Variants in CHCHD3 observed in about 807,000 individuals in gnomAD.
CHCHD3 encodes coiled-coil-helix-coiled-coil-helix domain containing 3.
CHCHD3 carries 20 observed loss-of-function variants against 38.2 expected under a neutral mutation model. The observed-to-expected ratio is 0.52, with a 90% confidence interval of 0.37 to 0.76. CHCHD3 has a LOEUF of 0.76. CHCHD3 is among the 30% of genes least tolerant of loss of function. The probability of loss-of-function intolerance (pLI) is 0.00; values close to 1 mark genes in which losing one functional copy is unlikely to be tolerated. For missense variants in CHCHD3, 245 were observed against 279.2 expected, an observed-to-expected ratio of 0.88 and a Z score of 0.87; for synonymous variants, 82 against 100.0, an observed-to-expected ratio of 0.82 and a Z score of 1.07.
chr7:132,869,287 C>A (rs1429877145), intron 5 of CHCHD3, among the ~76,000 whole-genome samples: 1 of 152,168 alleles, frequency 6.6e-6, no homozygotes, highest in Admixed American at 6.5e-5. Flanking sequence ...TGTGTACCTA[C>A]TTCCTTGGTC....
rs866298708 is a variant in CHCHD3, at chr7:132,857,729, G to A, written c.454-19260C>T. Among the ~76,000 whole-genome samples the A allele has an allele frequency of 6.6e-5, 10 of 152,200 alleles. No individual in the cohort carries two copies. In the Middle Eastern group the frequency reaches 0.014, roughly 207 times the overall value. On this transcript the variant is annotated intron_variant, in intron 5 of 7. Transcript: ENST00000262570. ...GGCCTAGGCAGCCTATTTTAGAGCT[G>A]AACATCTCTGGATGGGAGGGGGCAC...
chr7:132,974,172 C>A (rs1195782515), intron 4 of CHCHD3: 4 of 456,886 alleles, frequency 8.8e-6, no homozygotes, highest in Non-Finnish European at 1.4e-5. Flanking sequence ...ATAGCATTAT[C>A]TAAATGTTTC....
chr7:132,817,948 G>A (rs1338933179), intron 6 of CHCHD3, among the ~76,000 whole-genome samples: 1 of 152,000 alleles, frequency 6.6e-6, no homozygotes, highest in Non-Finnish European at 1.5e-5. Flanking sequence ...GGAAAGCTTT[G>A]GAGAAATATG....
At chr7:133,020,029 G>A (rs1813136150) in intron 3 of CHCHD3, among the ~76,000 whole-genome samples, 1 of 151,926 alleles carries the variant, frequency 6.6e-6, no homozygotes, top group Non-Finnish European at 1.5e-5. Context: ...TGGATTCTCG[G>A]TACGCTGAGC....
At chr7:132,939,526 G>A (rs1810712034) in intron 4 of CHCHD3, among the ~76,000 whole-genome samples, 1 of 152,168 alleles carries the variant, frequency 6.6e-6, no homozygotes, top group Non-Finnish European at 1.5e-5. Flanking sequence ...TTTAGCCTAG[G>A]TGTGTAGTAG....
intron 4 of CHCHD3, among the ~76,000 whole-genome samples, chr7:132,908,051 C>T (rs758011182): frequency 2.0e-5 from 3 of 151,602 alleles, no homozygotes; most frequent in Admixed American, 6.6e-5. Flanking sequence ...AGATAGGCCA[C>T]GGATATATTT....
At chr7:132,968,869 G>C (rs1027462862) in intron 4 of CHCHD3, among the ~76,000 whole-genome samples, 1 of 152,186 alleles carries the variant, frequency 6.6e-6, no homozygotes, top group Non-Finnish European at 1.5e-5. Context: ...GACAGCAGTA[G>C]TGTTCTTATC....
chr7:132,897,176 C>A (rs1484060927), intron 4 of CHCHD3, among the ~76,000 whole-genome samples: 1 of 152,178 alleles, frequency 6.6e-6, no homozygotes, highest in African/African-American at 2.4e-5. Flanking sequence ...CATTTCCAGG[C>A]ACTTACATAT....
chr7:132,885,761 A>C lies in CHCHD3; in HGVS notation c.370-16T>G. 6.3e-7 allele frequency: 1 copy of C among 1,584,120 alleles called. No individual in the cohort carries two copies. Among genetic ancestry groups the C allele is most frequent in the Non-Finnish European group, 8.6e-7 (1 of 1,164,236 alleles). ...GCTGCCTAGCCTAAAAAAAGAAATG[A>C]GGAATATACTATATCAAGAAAAAGC... On this transcript the variant is annotated splice_polypyrimidine_tract_variant and intron_variant, in intron 4 of 7. Coordinates refer to ENST00000262570, the MANE Select transcript of CHCHD3 (RefSeq NM_017812.4).
chr7:133,003,582 T>G (rs1812626850), intron 3 of CHCHD3, among the ~76,000 whole-genome samples: 1 of 152,188 alleles, frequency 6.6e-6, no homozygotes, highest in African/African-American at 2.4e-5. Context: ...AAAGCACCAT[T>G]TGGCTGTAAA....
At chr7:132,997,541 A>G (rs935742029) in intron 3 of CHCHD3, among the ~76,000 whole-genome samples, 1 of 152,090 alleles carries the variant, frequency 6.6e-6, no homozygotes, top group African/African-American at 2.4e-5. Context: ...TTACCACACC[A>G]GAAAAAGATT....
chr7:132,954,130 G>A (rs1037796476), intron 4 of CHCHD3, among the ~76,000 whole-genome samples: 1 of 152,090 alleles, frequency 6.6e-6, no homozygotes, highest in Admixed American at 6.5e-5. Context: ...AGGCAGGAGG[G>A]TTAGGGCAGC....
intron 1 of CHCHD3, among the ~76,000 whole-genome samples, chr7:133,073,937 C>T (rs1814901929): frequency 6.6e-6 from 1 of 152,168 alleles, no homozygotes. Context: ...CTACATTGCC[C>T]TCTCTCCTGT....
intron 4 of CHCHD3, among the ~76,000 whole-genome samples, chr7:132,934,390 G>C (rs887138990): frequency 6.6e-6 from 1 of 152,164 alleles, no homozygotes; most frequent in African/African-American, 2.4e-5. Flanking sequence ...CTATATCCTA[G>C]AGAAATTCAC....
chr7:132,807,018 G>T (rs1016496211), intron 6 of CHCHD3, among the ~76,000 whole-genome samples: 9 of 152,332 alleles, frequency 5.9e-5, no homozygotes, highest in African/African-American at 2.2e-4. Flanking sequence ...AGATGGGGAG[G>T]AGTGGAAGGA....
rs926961150 is a variant in CHCHD3 at position 133,082,044 on chromosome 7, G to A, written c.-107C>T. 1.9e-6 allele frequency: 2 copies of A among 1,051,160 alleles called. No homozygotes were observed. The highest frequency in any genetic ancestry group is 2.7e-6 in the Non-Finnish European group (2 of 744,304). 65.1% of individuals were successfully genotyped at this position (1,051,160 alleles called of 1,614,324 possible). On this transcript the variant is annotated 5_prime_UTR_variant, in exon 1 of 8. Coordinates refer to ENST00000262570, the MANE Select transcript of CHCHD3 (RefSeq NM_017812.4). ...GGCCTGGATTCTTTTCCCGCACAGC[G>A]GGAGCAAGGCCACGACCCCCAGAAG...
chr7:132,839,852 C>T (rs185846007), intron 5 of CHCHD3, among the ~76,000 whole-genome samples: 1 of 152,216 alleles, frequency 6.6e-6, no homozygotes, highest in East Asian at 1.9e-4. Context: ...ACCTATAGTC[C>T]CCTACGATGC....
intron 4 of CHCHD3, chr7:132,973,428 A>T (rs1241908361): frequency 1.0e-6 from 1 of 985,470 alleles, no homozygotes; most frequent in Admixed American, 6.1e-5. Flanking sequence ...TTCAGCTTAG[A>T]CGTACAACAA....
At chr7:132,816,498 G>A (rs547013834) in intron 6 of CHCHD3, among the ~76,000 whole-genome samples, 13 of 152,248 alleles carry the variant, frequency 8.5e-5, no homozygotes, top group African/African-American at 3.1e-4. Flanking sequence ...TTAACCCACT[G>A]GCTCATTTGG....
Sources: gnomAD v4.1 joint callset for allele counts (sites outside exome capture counted in the v4.1 genomes callset) on GRCh38, gnomAD v4.1.1 for gene constraint, MANE v1.5 for transcripts, NCBI Gene and HGNC (gene_info 2026-07-23, HGNC 2026-07-21) for gene names.